The following SDK1 variants were observed in gnomAD, a reference collection of about 807,000 sequenced individuals.
The protein encoded by SDK1 is protein sidekick-1.
A neutral mutation model predicts 245.5 loss-of-function variants in SDK1; 157 were observed. That is an observed-to-expected ratio of 0.64 (90% confidence interval 0.56 to 0.73). The LOEUF is 0.73. Among genes scored for constraint, SDK1 ranks in the 30% least tolerant of loss-of-function variants. The pLI is 0.00. For synonymous variants in SDK1, 1,647 were observed against 1,278.5 expected, an observed-to-expected ratio of 1.29 and a Z score of -6.15; for missense variants, 3,583 against 3,002.3, an observed-to-expected ratio of 1.19 and a Z score of -4.52.
At chr7:3,912,791 G>C (rs1259693426) in intron 5 of SDK1, among the ~76,000 whole-genome samples, 2 of 152,220 alleles carry the variant, frequency 1.3e-5, no homozygotes, top group African/African-American at 4.8e-5. Flanking sequence ...TAAGGGACTT[G>C]GCAGCTGGGT....
intron 32 of SDK1, among the ~76,000 whole-genome samples, chr7:4,173,545 G>A (rs1349863129): frequency 2.0e-5 from 3 of 152,222 alleles, no homozygotes; most frequent in Non-Finnish European, 2.9e-5. Flanking sequence ...CCTATTCCAT[G>A]GGAGTCTAAT....
intron 1 of SDK1, among the ~76,000 whole-genome samples, chr7:3,349,254 T>A (rs1023653915): frequency 3.3e-5 from 5 of 152,176 alleles, no homozygotes; most frequent in Admixed American, 6.5e-5. Context: ...TGTATACCTT[T>A]GACTTTATGA....
rs1002208675 is a variant in SDK1, at chr7:4,268,920, G to A, written c.*3536G>A. ...TGCAGAAAAACAGATCTCATTAAAA[G>A]AAAAAAAGAAACAACTTGTAGGAAG... On this transcript the variant is annotated 3_prime_UTR_variant, in exon 45 of 45. Transcript: ENST00000404826. 2 of 345,278 alleles carry A rather than the reference G, an allele frequency of 5.8e-6. No homozygotes were observed. The highest frequency in any genetic ancestry group is 1.1e-5 in the Non-Finnish European group (2 of 174,110). The allele number at this position is 345,278 out of a possible 1,614,324, so 21.4% of individuals were successfully genotyped here. A position where few individuals can be genotyped will look rare whatever the true frequency, so the allele number is the denominator to read the frequency against.
At chr7:4,146,879 A>T (rs922742362) in intron 29 of SDK1, among the ~76,000 whole-genome samples, 1 of 152,200 alleles carries the variant, frequency 6.6e-6, no homozygotes, top group African/African-American at 2.4e-5. Context: ...AGAGAGTTTT[A>T]TTAATTTGCC....
At chr7:3,872,287 G>C (rs189930620) in intron 5 of SDK1, among the ~76,000 whole-genome samples, 1 of 151,962 alleles carries the variant, frequency 6.6e-6, no homozygotes, top group Non-Finnish European at 1.5e-5. Context: ...TCTAGCTTTG[G>C]TATTAGGGTA....
chr7:3,316,707 C>G (rs1184296355), intron 1 of SDK1, among the ~76,000 whole-genome samples: 1 of 152,146 alleles, frequency 6.6e-6, no homozygotes, highest in Non-Finnish European at 1.5e-5. Flanking sequence ...CATCTCTTGG[C>G]CCTTTTTTAT....
At position 3,791,165 on chromosome 7, in the gene SDK1, C is replaced by CAA. The variant is rs1184530205; in HGVS notation, c.714-30275_714-30274dup. Among the ~76,000 whole-genome samples, 467 of 139,896 alleles carry CAA rather than the reference C, an allele frequency of 3.3e-3. 3 individuals are homozygous for CAA. Among genetic ancestry groups the CAA allele is most frequent in the Non-Finnish European group, 5.6e-3 (360 of 63,872 alleles). The allele number at this position is 139,896 out of a possible 152,430, so 91.8% of individuals were successfully genotyped here. A position where few individuals can be genotyped will look rare whatever the true frequency, so the allele number is the denominator to read the frequency against. ...TACATAAGTGGTAGTTTAAAAACAA[C>CAA]AAAAAAAAAAACACCTGTACCATTA... On this transcript the variant is annotated intron_variant, in intron 4 of 44. Coordinates refer to ENST00000404826, the MANE Select transcript of SDK1 (RefSeq NM_152744.4).
At chr7:3,698,512 G>A (rs1353845855) in intron 4 of SDK1, among the ~76,000 whole-genome samples, 1 of 152,152 alleles carries the variant, frequency 6.6e-6, no homozygotes, top group African/African-American at 2.4e-5. Context: ...TCCTCACTCA[G>A]AGCGTCAGTG....
At chr7:4,093,780 C>G (rs1296639367) in intron 22 of SDK1, among the ~76,000 whole-genome samples, 1 of 152,184 alleles carries the variant, frequency 6.6e-6, no homozygotes, top group African/African-American at 2.4e-5. Flanking sequence ...GGGACCGGAT[C>G]CTGGGCTGAT....
chr7:3,921,656 T>C (rs184582038), intron 5 of SDK1, among the ~76,000 whole-genome samples: 24 of 152,162 alleles, frequency 1.6e-4, no homozygotes, highest in African/African-American at 5.1e-4. Context: ...TGCAGGCCTG[T>C]TGAGAGACTA....
Position 4,266,407 on chromosome 7 carries a change from A to T in SDK1, c.*1023A>T. On this transcript the variant is annotated 3_prime_UTR_variant, in exon 45 of 45. Coordinates refer to ENST00000404826, the MANE Select transcript of SDK1 (RefSeq NM_152744.4). ...AATAAAGCAAAACAGCTCTGAGAAC[A>T]CACGCTCCCGACTCGCCTCGTGCAC... 1.0e-6 allele frequency: 1 copy of T among 985,388 alleles called. No individual in the cohort carries two copies. The highest frequency in any genetic ancestry group is 4.7e-5 in the South Asian group (1 of 21,280). The allele number at this position is 985,388 out of a possible 1,614,324, so 61.0% of individuals were successfully genotyped here.
intron 14 of SDK1, among the ~76,000 whole-genome samples, chr7:3,989,636 C>A (rs1784144868): frequency 6.6e-6 from 1 of 152,166 alleles, no homozygotes; most frequent in African/African-American, 2.4e-5. Context: ...CGGGTACCCT[C>A]CCCTGAAACC....
intron 1 of SDK1, among the ~76,000 whole-genome samples, chr7:3,442,337 T>C (rs1317188738): frequency 6.6e-6 from 1 of 152,220 alleles, no homozygotes; most frequent in Non-Finnish European, 1.5e-5. Context: ...GTCAGGTAGC[T>C]GGATCATTCA....
At chr7:4,015,519 C>G (rs1231069754) in intron 16 of SDK1, among the ~76,000 whole-genome samples, 1 of 152,188 alleles carries the variant, frequency 6.6e-6, no homozygotes, top group East Asian at 1.9e-4. Context: ...ACCTGTCACA[C>G]AGGTGAATCC....
At chr7:3,727,679 C>T (rs542896757) in intron 4 of SDK1, among the ~76,000 whole-genome samples, 16 of 152,016 alleles carry the variant, frequency 1.1e-4, no homozygotes, top group East Asian at 9.8e-4. Context: ...TTAGTAGAGA[C>T]GGGGTTTCAC....
intron 5 of SDK1, among the ~76,000 whole-genome samples, chr7:3,836,892 C>T (rs945227515): frequency 7.2e-5 from 11 of 152,156 alleles, no homozygotes; most frequent in African/African-American, 2.7e-4. Flanking sequence ...AGGTTGGTGT[C>T]TCGTTGGGGC....
chr7:3,930,000 C>A (rs190539111), intron 5 of SDK1, among the ~76,000 whole-genome samples: 158 of 152,108 alleles, frequency 1.0e-3, no homozygotes, highest in African/African-American at 3.4e-3. Flanking sequence ...ATTTTCTTTA[C>A]CTAATTGGTA....
intron 13 of SDK1, among the ~76,000 whole-genome samples, chr7:3,982,926 CCT>C (rs1358924740): frequency 6.6e-6 from 1 of 152,052 alleles, no homozygotes; most frequent in African/African-American, 2.4e-5. Flanking sequence ...TGATTCCAGC[CCT>C]CATGGATGAG....
chr7:3,579,392 A>G (rs62303081), intron 1 of SDK1, among the ~76,000 whole-genome samples: 2 of 152,242 alleles, frequency 1.3e-5, no homozygotes, highest in African/African-American at 2.4e-5. Context: ...AGTAAATGTG[A>G]TTCATTACAT....
Sources: allele counts gnomAD v4.1 joint callset (sites outside exome capture counted in the v4.1 genomes callset), GRCh38; gene constraint gnomAD v4.1.1; transcripts MANE v1.5; gene names NCBI Gene and HGNC (gene_info 2026-07-23, HGNC 2026-07-21).